The following XKR4 variants were observed in gnomAD, a reference collection of about 807,000 sequenced individuals.
The protein encoded by XKR4 is XK related 4.
In XKR4, 12 loss-of-function variants were observed where a neutral mutation model predicts 53.9. That is an observed-to-expected ratio of 0.22 (90% CI 0.14 to 0.36). The LOEUF (loss-of-function observed/expected upper bound fraction) is 0.36. XKR4 is among the 10% of genes least tolerant of loss of function. The pLI is 1.00. For synonymous variants in XKR4, 354 were observed against 362.4 expected (o/e 0.98, Z 0.26); for missense variants, 799 against 859.5 (o/e 0.93, Z 0.88).
intron 2 of XKR4, among the ~76,000 whole-genome samples, chr8:55,466,754 A>G (rs575881782): frequency 4.6e-5 from 7 of 152,138 alleles, no homozygotes; most frequent in Non-Finnish European, 8.8e-5. Flanking sequence ...GAGTTGAATC[A>G]ATCCACTATG....
chr8:55,190,688 A>G (rs1466602857), intron 1 of XKR4, among the ~76,000 whole-genome samples: 2 of 152,194 alleles, frequency 1.3e-5, no homozygotes, highest in African/African-American at 4.8e-5. Context: ...TTAGAAAGGT[A>G]ACGTGTGGTA....
chr8:55,289,651 AAGG>A (rs1192203042), intron 1 of XKR4, among the ~76,000 whole-genome samples: 11 of 109,374 alleles, frequency 1.0e-4, no homozygotes, highest in South Asian at 6.4e-4. Context: ...GAAAGAAAGG[AAGG>A]AAGGAAAAGA....
intron 1 of XKR4, among the ~76,000 whole-genome samples, chr8:55,236,198 A>G (rs1484973596): frequency 3.3e-5 from 5 of 152,146 alleles, no homozygotes; most frequent in Admixed American, 3.3e-4. Context: ...GGAGCCAAAG[A>G]AGCCCAGATC....
rs1048944969 is a variant in XKR4 at position 55,523,962 on chromosome 8, T to C, written c.1688T>C (p.Phe563Ser). The change falls in exon 3 of 3, where the codon TTC (phenylalanine) becomes TCC (serine). Residue 563 changes from phenylalanine (F) to serine (S), a missense_variant. By Grantham distance (155) the Phe-to-Ser change is radical. Coordinates refer to ENST00000327381, the MANE Select transcript of XKR4 (RefSeq NM_052898.2). ...RSVVSDRDQK[F>S]AERDGCVPVF... Reference sequence around the variant, plus strand: ...GTTGTCAGCGACCGCGATCAGAAATTCGCAGAGCGGGATGGGTGTGTACCT... The same window carrying C: ...GTTGTCAGCGACCGCGATCAGAAATCCGCAGAGCGGGATGGGTGTGTACCT... 3 of 1,614,020 alleles carry C rather than the reference T, an allele frequency of 1.9e-6. No homozygotes were observed. The highest frequency in any genetic ancestry group is 1.3e-5 in the African/African-American group (1 of 74,910).
At chr8:55,193,367 C>G (rs140911251) in intron 1 of XKR4, among the ~76,000 whole-genome samples, 2 of 152,228 alleles carry the variant, frequency 1.3e-5, no homozygotes, top group East Asian at 3.9e-4. Flanking sequence ...CTCCGCCACC[C>G]CACTGCATGC....
At chr8:55,512,898 G>T (rs1260011092) in intron 2 of XKR4, among the ~76,000 whole-genome samples, 1 of 152,164 alleles carries the variant, frequency 6.6e-6, no homozygotes, top group Non-Finnish European at 1.5e-5. Flanking sequence ...CGTTTAAGCA[G>T]ACTCCCAGCT....
At chr8:55,477,221 T>C (rs1806006808) in intron 2 of XKR4, among the ~76,000 whole-genome samples, 1 of 152,096 alleles carries the variant, frequency 6.6e-6, no homozygotes, top group African/African-American at 2.4e-5. Context: ...CAGCAGCATT[T>C]GCAGTTCACC....
At chr8:55,131,499 C>A (rs1816553510) in intron 1 of XKR4, among the ~76,000 whole-genome samples, 1 of 152,164 alleles carries the variant, frequency 6.6e-6, no homozygotes, top group South Asian at 2.1e-4. Context: ...TTCTCTCTTG[C>A]CTATTCTCAA....
intron 1 of XKR4, among the ~76,000 whole-genome samples, chr8:55,198,670 A>G (rs1393311272): frequency 6.6e-6 from 1 of 152,172 alleles, no homozygotes; most frequent in East Asian, 1.9e-4. Flanking sequence ...TTCATATCTT[A>G]GAAAATGTTA....
At chr8:55,398,222 C>T (rs1453994835) in intron 2 of XKR4, among the ~76,000 whole-genome samples, 14 of 152,132 alleles carry the variant, frequency 9.2e-5, no homozygotes, top group Non-Finnish European at 5.9e-5. Flanking sequence ...AGAAGTAGAC[C>T]TGACCCCACA....
chr8:55,495,621 C>G (rs978830230), intron 2 of XKR4, among the ~76,000 whole-genome samples: 2 of 152,194 alleles, frequency 1.3e-5, no homozygotes, highest in Admixed American at 6.5e-5. Context: ...CTCCTTCCCC[C>G]CCAGGCCCTC....
intron 1 of XKR4, among the ~76,000 whole-genome samples, chr8:55,300,123 G>T (rs1039314381): frequency 2.6e-5 from 4 of 152,170 alleles, no homozygotes; most frequent in African/African-American, 9.7e-5. Context: ...TATTGTTCAG[G>T]CATGTGAAAG....
chr8:55,427,253 T>A (rs1262610715), intron 2 of XKR4, among the ~76,000 whole-genome samples: 1 of 152,222 alleles, frequency 6.6e-6, no homozygotes, highest in Admixed American at 6.5e-5. Context: ...GTATATTAGA[T>A]GATTATTCCC....
chr8:55,124,378 G>T (rs1816433323), intron 1 of XKR4, among the ~76,000 whole-genome samples: 1 of 152,190 alleles, frequency 6.6e-6, no homozygotes, highest in South Asian at 2.1e-4. Context: ...TTCCCTGAAG[G>T]CGGGACAAAA....
At chr8:55,455,365 A>G (rs370686248) in intron 2 of XKR4, among the ~76,000 whole-genome samples, 26 of 152,264 alleles carry the variant, frequency 1.7e-4, no homozygotes, top group Middle Eastern at 6.8e-3. Flanking sequence ...TAAAGGCAGC[A>G]GGAATCTGTG....
At chr8:55,395,987 G>A (rs1804510779) in intron 2 of XKR4, among the ~76,000 whole-genome samples, 1 of 152,228 alleles carries the variant, frequency 6.6e-6, no homozygotes, top group Non-Finnish European at 1.5e-5. Context: ...TCCTCACATG[G>A]AGGAGAGCAG....
intron 1 of XKR4, among the ~76,000 whole-genome samples, chr8:55,180,059 A>G (rs1299510977): frequency 6.6e-6 from 1 of 152,232 alleles, no homozygotes; most frequent in Non-Finnish European, 1.5e-5. Flanking sequence ...ATAATAAGCT[A>G]TATCTTGATG....
At chr8:55,428,673 A>T (rs1051211874) in intron 2 of XKR4, among the ~76,000 whole-genome samples, 2 of 152,196 alleles carry the variant, frequency 1.3e-5, no homozygotes, top group Non-Finnish European at 2.9e-5. Context: ...TTCCACGCCC[A>T]TCCAGTGGAA....
intron 2 of XKR4, among the ~76,000 whole-genome samples, chr8:55,391,728 A>G (rs1804445545): frequency 6.6e-6 from 1 of 152,200 alleles, no homozygotes; most frequent in African/African-American, 2.4e-5. Context: ...ATAAAAAACA[A>G]AATATAACTA....
Sources: gnomAD v4.1 joint callset for allele counts (sites outside exome capture counted in the v4.1 genomes callset) on GRCh38, gnomAD v4.1.1 for gene constraint, MANE v1.5 for transcripts, NCBI Gene and HGNC (gene_info 2026-07-23, HGNC 2026-07-21) for gene names.